The following CDH4 variants were observed in gnomAD, a reference collection of about 807,000 sequenced individuals.
The protein encoded by CDH4 is cadherin 4.
CDH4 carries 33 observed loss-of-function variants against 86.0 expected under a neutral mutation model. The observed-to-expected ratio is 0.38, with a 90% CI of 0.29 to 0.51. The LOEUF (loss-of-function observed/expected upper bound fraction) is 0.51, where lower values mean the gene tolerates loss of function less well. Among genes scored for constraint, CDH4 ranks in the 20% least tolerant of loss-of-function variants. The pLI is 0.86. For missense variants in CDH4, 1,114 were observed against 1,307.4 expected (o/e 0.85, Z 2.28); for synonymous variants, 555 against 549.4 (o/e 1.01, Z -0.14).
chr20:61,404,161 C>T (rs777328357), intron 2 of CDH4, among the ~76,000 whole-genome samples: 1 of 152,060 alleles, frequency 6.6e-6, no homozygotes, highest in African/African-American at 2.4e-5. Context: ...CAGGCGGGTA[C>T]AGGGGTCCTG....
chr20:61,318,539 G>A (rs535709093), intron 2 of CDH4, among the ~76,000 whole-genome samples: 9 of 152,256 alleles, frequency 5.9e-5, no homozygotes, highest in South Asian at 2.1e-4. Flanking sequence ...ATCATGAATC[G>A]GGTAGGGATT....
At chr20:61,422,424 CAAAAAAAAAAAAAAAAAAAAAAAAAAAA>C (rs869235928) in intron 2 of CDH4, among the ~76,000 whole-genome samples, 5 of 22,234 alleles carry the variant, frequency 2.2e-4, no homozygotes, top group African/African-American at 2.9e-4. Flanking sequence ...AACTCCGTCT[CAAAAAAAAAAAAAAAAAAAAAAAAAAAA>C]AAAAAAAAAA....
chr20:61,562,472 GGTTT>G (rs2086227065), intron 2 of CDH4, among the ~76,000 whole-genome samples: 1 of 152,200 alleles, frequency 6.6e-6, no homozygotes, highest in East Asian at 1.9e-4. Flanking sequence ...GTGCAGAGGT[GGTTT>G]GTCGCTTCTT....
chr20:61,861,515 G>T (rs1172940367), intron 6 of CDH4, among the ~76,000 whole-genome samples: 2 of 152,134 alleles, frequency 1.3e-5, no homozygotes, highest in Admixed American at 1.3e-4. Context: ...TAACCACTCT[G>T]CAAACCGCCT....
At position 61,676,687 on chromosome 20, in the gene CDH4, G is replaced by A. The variant is rs1045703195; in HGVS notation, c.170-66876G>A. Among the ~76,000 whole-genome samples, 1 of 152,222 alleles carries A rather than the reference G, an allele frequency of 6.6e-6. No homozygotes were observed. Among genetic ancestry groups the A allele is most frequent in the African/African-American group, 2.4e-5 (1 of 41,454 alleles). On this transcript the variant is annotated intron_variant, in intron 2 of 15. Coordinates refer to ENST00000614565, the MANE Select transcript of CDH4 (RefSeq NM_001794.5). The surrounding 1 kb of genome is among the most constrained non-coding windows in gnomAD (Gnocchi z 4.5). The stretch of plus-strand genomic sequence containing the variant: ...ACAAACTCAATCCCACACACCCCCA[G>A]GAGCCTATGGAAGTGACCAGATGAT...
At chr20:61,874,944 C>T (rs1296039200) in intron 7 of CDH4, among the ~76,000 whole-genome samples, 1 of 152,222 alleles carries the variant, frequency 6.6e-6, no homozygotes, top group African/African-American at 2.4e-5. Context: ...CTCAACCCTT[C>T]TGCTCCAAGT....
In CDH4 at chr20:61,332,615, T is replaced by G. The variant is rs191232280; in HGVS notation, c.169+77678T>G. 2.8e-3 allele frequency among the ~76,000 whole-genome samples: 426 copies of G among 152,374 alleles called. 8 individuals are homozygous for G. The highest frequency in any genetic ancestry group is 0.024 in the Admixed American group (363 of 15,306). On this transcript the variant is annotated intron_variant, in intron 2 of 15. Coordinates refer to ENST00000614565, the MANE Select transcript of CDH4 (RefSeq NM_001794.5). ...TGCAGTCAGTTACCTCCAGTTAACT[T>G]CACCCTGCAGTGGGGGTAATTGAAG...
intron 2 of CDH4, among the ~76,000 whole-genome samples, chr20:61,444,765 G>C (rs531208160): frequency 6.9e-6 from 1 of 144,256 alleles, no homozygotes; most frequent in East Asian, 2.1e-4. Context: ...GTATATTTGT[G>C]TGTTTCTGCA....
intron 6 of CDH4, among the ~76,000 whole-genome samples, chr20:61,854,421 C>T (rs1178275375): frequency 1.3e-5 from 2 of 151,720 alleles, no homozygotes; most frequent in Non-Finnish European, 2.9e-5. Context: ...TTGGCCTGCC[C>T]CAGGGCTGCA....
intron 2 of CDH4, among the ~76,000 whole-genome samples, chr20:61,291,256 T>G (rs2084319045): frequency 6.6e-6 from 1 of 152,208 alleles, no homozygotes; most frequent in Non-Finnish European, 1.5e-5. Flanking sequence ...TGTCTTTATT[T>G]GGACAAAAGG....
At chr20:61,620,058 G>A (rs376796213) in intron 2 of CDH4, among the ~76,000 whole-genome samples, 8 of 146,368 alleles carry the variant, frequency 5.5e-5, no homozygotes, top group African/African-American at 2.0e-4. Context: ...TGCTTGCAAG[G>A]CCTGTCCTCC....
intron 2 of CDH4, among the ~76,000 whole-genome samples, chr20:61,316,971 C>T (rs932134295): frequency 3.3e-5 from 5 of 151,872 alleles, no homozygotes; most frequent in Non-Finnish European, 5.9e-5. Flanking sequence ...TAAAGACGTG[C>T]CTTGCAGTGG....
intron 2 of CDH4, among the ~76,000 whole-genome samples, chr20:61,701,253 G>A (rs1411708252): frequency 4.6e-5 from 7 of 152,182 alleles, no homozygotes; most frequent in South Asian, 2.1e-4. Context: ...TGACCTCATC[G>A]CAACTAATTT....
chr20:61,360,993 TCA>T (rs2084780344), intron 2 of CDH4, among the ~76,000 whole-genome samples: 3 of 152,046 alleles, frequency 2.0e-5, no homozygotes, highest in Non-Finnish European at 4.4e-5. Flanking sequence ...ACGCAGAGAA[TCA>T]CAGTTTCCAA....
chr20:61,608,538 A>G (rs2086661795), intron 2 of CDH4, among the ~76,000 whole-genome samples: 1 of 152,222 alleles, frequency 6.6e-6, no homozygotes, highest in African/African-American at 2.4e-5. Flanking sequence ...ACTGGGCGTT[A>G]AGGACTGCAC....
intron 2 of CDH4, among the ~76,000 whole-genome samples, chr20:61,626,349 T>C (rs1271509145): frequency 3.3e-5 from 5 of 152,184 alleles, no homozygotes; most frequent in Admixed American, 6.5e-5. Context: ...ACTGGTCTCA[T>C]TGCACTGTCA....
intron 2 of CDH4, among the ~76,000 whole-genome samples, chr20:61,641,266 G>T (rs1470997919): frequency 6.6e-6 from 1 of 152,142 alleles, no homozygotes; most frequent in Non-Finnish European, 1.5e-5. Flanking sequence ...CATGATTGAT[G>T]TCTGCTCAGA....
At chr20:61,314,483 C>T (rs1033991179) in intron 2 of CDH4, among the ~76,000 whole-genome samples, 1 of 152,170 alleles carries the variant, frequency 6.6e-6, no homozygotes, top group African/African-American at 2.4e-5. Context: ...CTTGTGTGTA[C>T]GTGTGTAGAC....
intron 2 of CDH4, among the ~76,000 whole-genome samples, chr20:61,352,759 G>A (rs1354608609): frequency 6.6e-6 from 1 of 151,884 alleles, no homozygotes; most frequent in South Asian, 2.1e-4. Context: ...CACTCCCCCC[G>A]GTCACCTGCA....
Sources: gnomAD v4.1 joint callset for allele counts (sites outside exome capture counted in the v4.1 genomes callset) on GRCh38, gnomAD v4.1.1 for gene constraint, Gnocchi (gnomAD v3.1) non-coding constraint, MANE v1.5 for transcripts, NCBI Gene and HGNC (gene_info 2026-07-23, HGNC 2026-07-21) for gene names.